Variants in TNKS observed in about 807,000 individuals in gnomAD.
TNKS encodes poly [ADP-ribose] polymerase tankyrase-1.
Under a neutral mutation model 135.8 loss-of-function variants are expected in TNKS, and 72 were observed. The ratio of observed to expected loss-of-function variants is 0.53; its 90% confidence interval spans 0.44 to 0.64. TNKS has a LOEUF of 0.64. Among genes scored for constraint, TNKS ranks in the 30% least tolerant of loss-of-function variants. TNKS has a pLI of 0.00. For missense variants in TNKS, 1,769 were observed against 1,674.0 expected (o/e 1.06, Z -0.99); for synonymous variants, 849 against 649.3 (o/e 1.31, Z -4.68).
At position 9,751,808 on chromosome 8, in the gene TNKS, G is replaced by C; in HGVS notation, c.3032G>C (p.Gly1011Ala). 1 of 1,614,162 alleles carries C rather than the reference G, an allele frequency of 6.2e-7. No homozygotes were observed. The highest frequency in any genetic ancestry group is 8.5e-7 in the Non-Finnish European group (1 of 1,180,022). Residue 1011 changes from glycine (G) to alanine (A), a missense_variant, in exon 19 of 27, where the codon GGG (glycine) becomes GCG (alanine). Coordinates refer to ENST00000310430, the MANE Select transcript of TNKS (RefSeq NM_003747.3). ...GCCGTAGGAGGAGCCTCCAATGCAG[G>C]GGATGGCGCCGCGGGAACAGAAAGG... is the stretch of plus-strand genomic sequence containing the variant. ...ELAVGGASNA[G>A]DGAAGTERKE... is the part of the protein sequence containing the mutation.
chr8:9,591,317 G>T (rs1284168595), intron 2 of TNKS, among the ~76,000 whole-genome samples: 1 of 152,106 alleles, frequency 6.6e-6, no homozygotes, highest in Non-Finnish European at 1.5e-5. Context: ...TTGTTGTATG[G>T]TGTTTCATTG....
At chr8:9,741,786 C>T (rs759443879) in intron 17 of TNKS, 5 of 483,972 alleles carry the variant, frequency 1.0e-5, no homozygotes, top group East Asian at 1.1e-4. Flanking sequence ...TCTAACTTCA[C>T]GTTCCCTTGA....
At chr8:9,643,081 C>T (rs1022907956) in intron 3 of TNKS, among the ~76,000 whole-genome samples, 1 of 145,856 alleles carries the variant, frequency 6.9e-6, no homozygotes, top group Non-Finnish European at 1.5e-5. Flanking sequence ...GTTTTTCACT[C>T]ATTTATAAAA....
intron 5 of TNKS, among the ~76,000 whole-genome samples, chr8:9,691,878 T>C (rs531655271): frequency 1.3e-5 from 2 of 152,214 alleles, no homozygotes; most frequent in Admixed American, 1.3e-4. Context: ...TCAGTACAGA[T>C]TGAAGATCTT....
chr8:9,576,542 C>T (rs548749986), intron 1 of TNKS, among the ~76,000 whole-genome samples: 2 of 148,872 alleles, frequency 1.3e-5, no homozygotes, highest in Non-Finnish European at 3.0e-5. Flanking sequence ...GCGATCTCGG[C>T]TCACTGCAAG....
At chr8:9,731,705 C>G (rs926048369) in intron 14 of TNKS, among the ~76,000 whole-genome samples, 1 of 152,104 alleles carries the variant, frequency 6.6e-6, no homozygotes, top group Non-Finnish European at 1.5e-5. Context: ...AGTAGTGTAT[C>G]TTGAATAGTC....
At chr8:9,665,774 G>C (rs115666003) in intron 3 of TNKS, among the ~76,000 whole-genome samples, 1 of 151,968 alleles carries the variant, frequency 6.6e-6, no homozygotes, top group South Asian at 2.1e-4. Context: ...ATTCACTCTC[G>C]TGAATTCCCA....
chr8:9,724,980 G>T (rs1007574601), intron 12 of TNKS, among the ~76,000 whole-genome samples: 1 of 75,234 alleles, frequency 1.3e-5, no homozygotes, highest in Non-Finnish European at 3.4e-5. Context: ...ATAAACAATT[G>T]TCTCTTTATT....
At chr8:9,694,665 G>C (rs1803430640) in intron 5 of TNKS, among the ~76,000 whole-genome samples, 1 of 151,924 alleles carries the variant, frequency 6.6e-6, no homozygotes, top group African/African-American at 2.4e-5. Context: ...GGGAGGCTGA[G>C]GCAGGAGAAT....
At chr8:9,671,841 G>A (rs1037261206) in intron 3 of TNKS, among the ~76,000 whole-genome samples, 2 of 152,158 alleles carry the variant, frequency 1.3e-5, no homozygotes, top group Non-Finnish European at 2.9e-5. Flanking sequence ...GTGACCTGTG[G>A]TCAACTGCCT....
At chr8:9,650,916 C>A (rs895070767) in intron 3 of TNKS, among the ~76,000 whole-genome samples, 2 of 152,084 alleles carry the variant, frequency 1.3e-5, no homozygotes. Context: ...AAGAGTTTTT[C>A]TGATGTTATT....
intron 3 of TNKS, among the ~76,000 whole-genome samples, chr8:9,636,604 C>A (rs188589485): frequency 6.6e-6 from 1 of 152,222 alleles, no homozygotes; most frequent in East Asian, 1.9e-4. Context: ...GTTAACTCTC[C>A]TTGCTTTCTA....
chr8:9,702,384 G>C (rs942116609), intron 5 of TNKS, among the ~76,000 whole-genome samples: 1 of 152,114 alleles, frequency 6.6e-6, no homozygotes, highest in African/African-American at 2.4e-5. Flanking sequence ...CTTTAAGTCA[G>C]TGAAATATTA....
intron 9 of TNKS, 118 bp downstream of exon 9, chr8:9,708,610 A>G (rs531570110): frequency 2.0e-5 from 23 of 1,129,436 alleles, no homozygotes; most frequent in Non-Finnish European, 2.6e-5. Context: ...AGGAATTTGC[A>G]TGTTAATTTT....
At chr8:9,601,663 G>C (rs887058844) in intron 2 of TNKS, among the ~76,000 whole-genome samples, 2 of 152,060 alleles carry the variant, frequency 1.3e-5, no homozygotes, top group African/African-American at 2.4e-5. Flanking sequence ...AAATTTTCCT[G>C]TTATTAAGGT....
chr8:9,772,242 G>GACTT (rs896819090), intron 26 of TNKS: 25 of 373,722 alleles, frequency 6.7e-5, no homozygotes, highest in African/African-American at 4.7e-4. Context: ...TCTTATTACA[G>GACTT]ACTTACTTTC....
chr8:9,590,379 A>T (rs770775097), intron 2 of TNKS, among the ~76,000 whole-genome samples: 3 of 152,220 alleles, frequency 2.0e-5, no homozygotes, highest in Non-Finnish European at 2.9e-5. Flanking sequence ...CAAAGCTGTC[A>T]TAATTTCTTG....
chr8:9,684,325 T>G (rs1802899703), intron 5 of TNKS, among the ~76,000 whole-genome samples: 1 of 152,080 alleles, frequency 6.6e-6, no homozygotes, highest in Non-Finnish European at 1.5e-5. Flanking sequence ...TATCTAAATT[T>G]AAGGTGGTAA....
intron 3 of TNKS, among the ~76,000 whole-genome samples, chr8:9,645,519 A>G (rs1800888780): frequency 6.6e-6 from 1 of 152,168 alleles, no homozygotes; most frequent in Non-Finnish European, 1.5e-5. Context: ...CTGACGTCTA[A>G]ATTTACCTGG....
Sources: gnomAD v4.1 joint callset for allele counts (sites outside exome capture counted in the v4.1 genomes callset) on GRCh38, gnomAD v4.1.1 for gene constraint, MANE v1.5 for transcripts, NCBI Gene and HGNC (gene_info 2026-07-23, HGNC 2026-07-21) for gene names.